SEC24C: variants seen among roughly 807,000 people sequenced by gnomAD.
The protein encoded by SEC24C is SEC24 homolog C, COPII component.
In SEC24C, 22 loss-of-function variants were observed where a neutral mutation model predicts 117.0. That is an observed-to-expected ratio of 0.19 (90% CI 0.13 to 0.27). The LOEUF (loss-of-function observed/expected upper bound fraction) is 0.27, where lower values mean the gene tolerates loss of function less well. SEC24C is among the 10% of genes least tolerant of loss of function. The probability of loss-of-function intolerance (pLI) is 1.00; values close to 1 mark genes in which losing one functional copy is unlikely to be tolerated. For synonymous variants in SEC24C, 506 were observed against 529.4 expected, an observed-to-expected ratio of 0.96 and a Z score of 0.61; for missense variants, 1,155 against 1,375.1, an observed-to-expected ratio of 0.84 and a Z score of 2.53.
intron 6 of SEC24C, among the ~76,000 whole-genome samples, chr10:73,761,777 C>T (rs567256964): frequency 2.0e-5 from 3 of 152,120 alleles, no homozygotes; most frequent in African/African-American, 7.2e-5. Flanking sequence ...GAGGTTTGGC[C>T]TTTTAGGGGG....
Position 73,765,802 on chromosome 10 carries a change from C to G in SEC24C, c.1369C>G (p.Pro457Ala). 6.2e-7 allele frequency: 1 copy of G among 1,609,780 alleles called. No individual in the cohort carries two copies. The highest frequency in any genetic ancestry group is 8.5e-7 in the Non-Finnish European group (1 of 1,176,268). Residue 457 changes from proline to alanine, a missense_variant and splice_region_variant, in exon 10 of 23, where the codon CCC becomes GCC. By Grantham distance (27) the Pro-to-Ala change is conservative. Coordinates refer to ENST00000345254, the MANE Select transcript of SEC24C (RefSeq NM_198597.3). The part of the protein sequence containing the change: ...CCFCSCINDV[P>A]PQYFQHLDHT... ...ACACACTGCCATGCTTCCCACAGTT[C>G]CCCCCCAGTATTTTCAGCACCTGGA...
chr10:73,747,760 A>C (rs1000107083), intron 2 of SEC24C, among the ~76,000 whole-genome samples: 5 of 150,846 alleles, frequency 3.3e-5, no homozygotes, highest in Non-Finnish European at 7.4e-5. Context: ...CCTGGGTTCA[A>C]GTGATTCTCC....
intron 13 of SEC24C, 47 bp from the exon 14 acceptor site, chr10:73,767,006 GA>G (rs1244623508): frequency 1.3e-6 from 2 of 1,491,884 alleles, no homozygotes; most frequent in Non-Finnish European, 1.9e-6. Flanking sequence ...GACAAGGGAA[GA>G]GATGGATGAA....
chr10:73,769,828 C>A lies in SEC24C; in HGVS notation c.2683-8C>A. ...TGATCATTGACTTTATTTTGATAAT[C>A]CCCTCAGTTGATCCTTCCTGAGTGC... On this transcript the variant is annotated splice_polypyrimidine_tract_variant and splice_region_variant and intron_variant, in intron 19 of 22. Transcript: ENST00000345254. The surrounding 1 kb of genome is among the most constrained non-coding windows in gnomAD (Gnocchi z 4.5). 1 of 1,613,514 alleles carries A rather than the reference C, an allele frequency of 6.2e-7. No individual in the cohort carries two copies. Among genetic ancestry groups the A allele is most frequent in the Non-Finnish European group, 8.5e-7 (1 of 1,179,514 alleles).
intron 12 of SEC24C, 60 bp downstream of exon 12, chr10:73,766,601 C>G: frequency 6.5e-7 from 1 of 1,541,372 alleles, no homozygotes; most frequent in Non-Finnish European, 8.8e-7. Context: ...CATAGAAGGT[C>G]ATGGAGTTGA....
chr10:73,767,222 TG>T, intron 14 of SEC24C, 52 bp downstream of exon 14: 1 of 1,207,350 alleles, frequency 8.3e-7, no homozygotes, highest in East Asian at 2.3e-5. Context: ...ACAGAGGAAG[TG>T]GGGACTCTAC....
At chr10:73,762,784 A>G (rs748278712) in intron 6 of SEC24C, among the ~76,000 whole-genome samples, 1 of 152,240 alleles carries the variant, frequency 6.6e-6, no homozygotes, top group Admixed American at 6.5e-5. Context: ...AAAGGTCATT[A>G]GCCTGCATAA....
At chr10:73,764,854 T>C (rs891244361) in intron 8 of SEC24C, among the ~76,000 whole-genome samples, 2 of 152,144 alleles carry the variant, frequency 1.3e-5, no homozygotes, top group African/African-American at 4.8e-5. Context: ...TACGATAGGG[T>C]TCTCTGTTAC....
intron 3 of SEC24C, among the ~76,000 whole-genome samples, chr10:73,753,252 A>G (rs1278672127): frequency 6.6e-6 from 1 of 152,140 alleles, no homozygotes; most frequent in African/African-American, 2.4e-5. Context: ...GGGTTTCGCC[A>G]TGTTGGACAG....
Position 73,769,853 on chromosome 10 carries a change from C to T in SEC24C, c.2700C>T (p.Cys900=), listed in dbSNP as rs2082946168. The T allele has an allele frequency of 1.2e-6, 2 of 1,614,124 alleles. No homozygotes were observed. Among genetic ancestry groups the T allele is most frequent in the Non-Finnish European group, 1.7e-6 (2 of 1,180,002 alleles). ...SSAGQLILPE[C]MKLLPVYLNC... ...CCCCTCAGTTGATCCTTCCTGAGTG[C>T]ATGAAGCTACTCCCAGTTTACCTGA... is the stretch of plus-strand genomic sequence containing the variant. Residue 900 remains cysteine (C), a synonymous_variant, in exon 20 of 23, where the codon TGC becomes TGT. Coordinates refer to ENST00000345254, the MANE Select transcript of SEC24C (RefSeq NM_198597.3). The surrounding 1 kb of genome is among the most constrained non-coding windows in gnomAD (Gnocchi z 4.5).
intron 21 of SEC24C, 88 bp downstream of exon 21, chr10:73,770,559 C>G (rs753376549): frequency 2.0e-5 from 30 of 1,535,700 alleles, no homozygotes; most frequent in Non-Finnish European, 2.5e-5. Flanking sequence ...TGCTAGTACC[C>G]TCAAATATCA....
rs1441520683 is a variant in SEC24C, at chr10:73,765,633, A to G, written c.1366+44A>G. 2.5e-6 allele frequency: 4 copies of G among 1,605,700 alleles called. No homozygotes were observed. In the African/African-American group the frequency reaches 4.0e-5, roughly 16 times the overall value. On this transcript the variant is annotated intron_variant, in intron 9 of 22. Transcript: ENST00000345254. ...GGATTTGGGGGAAGGTCTTGATTGT[A>G]TCTTCCTTGTTCTCTATTAAATAGT...
In SEC24C at chr10:73,753,310, C is replaced by T. The variant is rs544795410; in HGVS notation, c.308+2067C>T. 2.2e-4 allele frequency among the ~76,000 whole-genome samples: 34 copies of T among 152,330 alleles called. No individual in the cohort carries two copies. In the South Asian group the frequency reaches 4.6e-3, roughly 20 times the overall value. On this transcript the variant is annotated intron_variant, in intron 3 of 22. Transcript: ENST00000345254. ...CAAGTGATCCACCCGCCTCAGCCTT[C>T]CAAAGTGCTGGGATTACAGGTGTGA...
intron 1 of SEC24C, 88 bp downstream of exon 1, chr10:73,744,525 AGAAG>A (rs1256427142): frequency 1.3e-5 from 2 of 152,842 alleles, no homozygotes; most frequent in Non-Finnish European, 2.9e-5. Flanking sequence ...GGTTTCAGAA[AGAAG>A]GGAGGAGCCT....
chr10:73,752,871 T>A (rs568711802), intron 3 of SEC24C, among the ~76,000 whole-genome samples: 1 of 152,028 alleles, frequency 6.6e-6, no homozygotes, highest in Admixed American at 6.6e-5. Flanking sequence ...AGCATATGCC[T>A]TAGTAAATTA....
At position 73,763,892 on chromosome 10, in the gene SEC24C, A is replaced by G. The variant is rs2082838716; in HGVS notation, c.1136A>G (p.Tyr379Cys). The G allele has an allele frequency of 3.1e-6, 5 of 1,613,610 alleles. No homozygotes were observed. Among genetic ancestry groups the G allele is most frequent in the East Asian group, 2.2e-5 (1 of 44,848 alleles). ...CCCCGATACATCCGATGTACATCCT[A>G]TAATATCCCTTGCACATCTGACATG... The part of the protein sequence containing the change: ...ASPRYIRCTS[Y>C]NIPCTSDMAK... Residue 379 changes from tyrosine to cysteine, a missense_variant, in exon 8 of 23, where the codon TAT becomes TGT. Tyr to Cys is a radical substitution (Grantham distance 194). Around this residue, in one of 2 missense-constraint regions of SEC24C, gnomAD observed 759 missense variants for 992.3 expected, o/e 0.76. Transcript: ENST00000345254.
intron 2 of SEC24C, among the ~76,000 whole-genome samples, chr10:73,748,888 C>T (rs2082602430): frequency 6.6e-6 from 1 of 150,594 alleles, no homozygotes; most frequent in Non-Finnish European, 1.5e-5. Flanking sequence ...GATACAGGCA[C>T]CCACCACCAC....
At position 73,771,811 on chromosome 10, in the gene SEC24C, C is replaced by T. The variant is rs2082988301; in HGVS notation, c.*716C>T. ...TGGTTCTGTAGGGAGCCTAGGGAGC[C>T]TGGTCATCAACTTGCAATACCTCAC... is the stretch of plus-strand genomic sequence containing the variant. On this transcript the variant is annotated 3_prime_UTR_variant, in exon 23 of 23. Transcript: ENST00000345254. 1 of 153,810 alleles carries T rather than the reference C, an allele frequency of 6.5e-6. No homozygotes were observed. Among genetic ancestry groups the T allele is most frequent in the Non-Finnish European group, 1.5e-5 (1 of 68,910 alleles). The allele number at this position is 153,810 out of a possible 1,614,324, so 9.5% of individuals were successfully genotyped here.
At position 73,746,954 on chromosome 10, in the gene SEC24C, A is replaced by G. The variant is rs764690761; in HGVS notation, c.122A>G (p.Tyr41Cys). The change falls in exon 2 of 23, where the codon TAT (tyrosine) becomes TGT (cysteine). Residue 41 changes from tyrosine to cysteine, a missense_variant. Tyr to Cys is a radical substitution (Grantham distance 194, BLOSUM62 -2). This residue lies in a region of SEC24C where 396 missense variants were observed against 382.8 expected (regional missense o/e 1.03). Coordinates refer to ENST00000345254, the MANE Select transcript of SEC24C (RefSeq NM_198597.3). ...QSGSTAPAIP[Y>C]GAYNGPVPGY... ...GGGTCCACAGCCCCCGCCATTCCCT[A>G]TGGAGCCTACAATGGCCCAGTACCA... The G allele has an allele frequency of 5.0e-6, 8 of 1,614,044 alleles. No individual in the cohort carries two copies. The highest frequency in any genetic ancestry group is 4.5e-5 in the East Asian group (2 of 44,878).
Sources: gnomAD v4.1 joint callset for allele counts (sites outside exome capture counted in the v4.1 genomes callset) on GRCh38, gnomAD v4.1.1 for gene constraint, gnomAD v4.1.1 regional missense constraint, Gnocchi (gnomAD v3.1) non-coding constraint, MANE v1.5 for transcripts, NCBI Gene and HGNC (gene_info 2026-07-23, HGNC 2026-07-21) for gene names.